KLF12: variants seen among roughly 807,000 people sequenced by gnomAD.
KLF12 encodes Krueppel-like factor 12.
Under a neutral mutation model 37.8 loss-of-function variants are expected in KLF12, and 9 were observed. The ratio of observed to expected loss-of-function variants is 0.24; its 90% CI spans 0.14 to 0.42. KLF12 has a LOEUF of 0.42. KLF12 is among the 10% of genes least tolerant of loss of function. KLF12 has a pLI of 1.00. For synonymous variants in KLF12, 208 were observed against 202.1 expected (o/e 1.03, Z -0.25); for missense variants, 411 against 516.0 (o/e 0.80, Z 1.97).
chr13:74,302,420 A>C, the KLF12 span, among the ~76,000 whole-genome samples: 1 of 152,160 alleles, frequency 6.6e-6, no homozygotes, highest in Non-Finnish European at 1.5e-5. Flanking sequence ...CTCCATATGT[A>C]GATACTGCAT....
chr13:73,938,254 T>C (rs978900811), intron 3 of KLF12, among the ~76,000 whole-genome samples: 1 of 152,304 alleles, frequency 6.6e-6, no homozygotes, highest in East Asian at 1.9e-4. Context: ...ACTAGATCGT[T>C]AGTGTAAAAT....
chr13:74,140,119 T>G, the KLF12 span, among the ~76,000 whole-genome samples: 1 of 152,192 alleles, frequency 6.6e-6, no homozygotes, highest in Non-Finnish European at 1.5e-5. Flanking sequence ...GTAAAAAAAA[T>G]ACAATTTTAT....
chr13:73,813,158 A>G lies in KLF12; in HGVS notation c.800T>C (p.Val267Ala). The G allele has an allele frequency of 6.8e-6, 11 of 1,613,918 alleles. No homozygotes were observed. Among genetic ancestry groups the G allele is most frequent in the Non-Finnish European group, 9.3e-6 (11 of 1,179,878 alleles). Residue 267 changes from valine to alanine, a missense_variant, in exon 5 of 8, where the codon GTA becomes GCA. Val to Ala is a moderately conservative substitution (Grantham distance 64, BLOSUM62 0). Around this residue, in one of 2 missense-constraint regions of KLF12, gnomAD observed 351 missense variants for 397.8 expected, o/e 0.88. Transcript: ENST00000377669. ...CTGTGAATGTGATACTTACTCTTGT[A>G]CTGCTCTGGCTATGGAAAGGGCCGT...
chr13:73,906,325 G>A (rs1399572322), intron 3 of KLF12, among the ~76,000 whole-genome samples: 2 of 152,046 alleles, frequency 1.3e-5, no homozygotes, highest in African/African-American at 4.8e-5. Context: ...TTTTTCTCCT[G>A]TGGGAAGTCT....
intron 4 of KLF12, among the ~76,000 whole-genome samples, chr13:73,840,866 C>T (rs1316113760): frequency 6.6e-6 from 1 of 152,104 alleles, no homozygotes; most frequent in African/African-American, 2.4e-5. Context: ...CCACCAGCCT[C>T]CTAGCAGCTC....
chr13:74,016,342 A>T (rs1299939910), intron 1 of KLF12, among the ~76,000 whole-genome samples: 5 of 152,128 alleles, frequency 3.3e-5, no homozygotes, highest in Non-Finnish European at 4.4e-5. Context: ...AATACGGAGT[A>T]TCTGGAATTC....
intron 4 of KLF12, among the ~76,000 whole-genome samples, chr13:73,831,276 C>T (rs1395577174): frequency 6.6e-6 from 1 of 152,078 alleles, no homozygotes; most frequent in African/African-American, 2.4e-5. Flanking sequence ...AAGCTGTGCC[C>T]TTATAAGTGG....
At chr13:74,042,679 T>C (rs1893439586) in intron 1 of KLF12, among the ~76,000 whole-genome samples, 1 of 152,112 alleles carries the variant, frequency 6.6e-6, no homozygotes, top group Non-Finnish European at 1.5e-5. Context: ...ATCCGATAAG[T>C]ATGTCCAAAA....
At chr13:74,232,921 T>C in the KLF12 span, among the ~76,000 whole-genome samples, 1 of 152,192 alleles carries the variant, frequency 6.6e-6, no homozygotes, top group Admixed American at 6.5e-5. Context: ...AGTCTTGCTC[T>C]GTCGCCCAGG....
At chr13:74,061,319 G>A (rs953978175) in intron 1 of KLF12, among the ~76,000 whole-genome samples, 1 of 152,146 alleles carries the variant, frequency 6.6e-6, no homozygotes, top group African/African-American at 2.4e-5. Flanking sequence ...ACACAGATAG[G>A]TGGGTTCTGG....
chr13:73,875,293 T>C (rs930435651), intron 3 of KLF12, among the ~76,000 whole-genome samples: 7 of 152,164 alleles, frequency 4.6e-5, no homozygotes, highest in Admixed American at 2.0e-4. Context: ...CAAAGACCAG[T>C]TTGACAGCTT....
At chr13:73,794,095 T>C (rs575885197) in intron 5 of KLF12, among the ~76,000 whole-genome samples, 1 of 152,314 alleles carries the variant, frequency 6.6e-6, no homozygotes, top group East Asian at 1.9e-4. Flanking sequence ...TACTTGGCAG[T>C]GAGGGGGTTA....
At chr13:73,957,066 G>A (rs1205232928) in intron 2 of KLF12, among the ~76,000 whole-genome samples, 9 of 123,738 alleles carry the variant, frequency 7.3e-5, no homozygotes, top group South Asian at 2.9e-4. Flanking sequence ...GAAAGGAAAG[G>A]AAAGGAAAGG....
the KLF12 span, among the ~76,000 whole-genome samples, chr13:74,206,060 G>GT: frequency 6.6e-6 from 1 of 151,988 alleles, no homozygotes; most frequent in Non-Finnish European, 1.5e-5. Flanking sequence ...TTTGCTTTGT[G>GT]TTTTTGGTTA....
At chr13:74,081,729 C>T (rs1036362141) in intron 1 of KLF12, among the ~76,000 whole-genome samples, 1 of 152,174 alleles carries the variant, frequency 6.6e-6, no homozygotes, top group African/African-American at 2.4e-5. Context: ...TCTTTGCATA[C>T]AGGCATGGAA....
At chr13:74,232,739 T>C in the KLF12 span, among the ~76,000 whole-genome samples, 1 of 152,182 alleles carries the variant, frequency 6.6e-6, no homozygotes, top group African/African-American at 2.4e-5. Flanking sequence ...AGCTTTTCTA[T>C]TTCTATCTTG....
intron 5 of KLF12, among the ~76,000 whole-genome samples, chr13:73,767,804 C>A (rs894000316): frequency 5.9e-5 from 9 of 152,090 alleles, no homozygotes; most frequent in African/African-American, 2.2e-4. Flanking sequence ...CACCAAAGAA[C>A]CTGACTCTCA....
intron 7 of KLF12, among the ~76,000 whole-genome samples, chr13:73,699,556 T>G (rs1332993213): frequency 6.6e-6 from 1 of 152,170 alleles, no homozygotes; most frequent in Non-Finnish European, 1.5e-5. Context: ...CAGGAGTGCC[T>G]CTCCATACTT....
At chr13:73,919,982 G>T (rs753250780) in intron 3 of KLF12, among the ~76,000 whole-genome samples, 2 of 152,048 alleles carry the variant, frequency 1.3e-5, no homozygotes, top group African/African-American at 2.4e-5. Context: ...TAGTTACCCC[G>T]CATTCCACTG....
Sources: allele counts gnomAD v4.1 joint callset (sites outside exome capture counted in the v4.1 genomes callset), GRCh38; gene constraint gnomAD v4.1.1; regional missense constraint gnomAD v4.1.1; transcripts MANE v1.5; gene names NCBI Gene and HGNC (gene_info 2026-07-23, HGNC 2026-07-21).